AARS1: variants seen among roughly 807,000 people sequenced by gnomAD.
The protein encoded by AARS1 is alanyl-tRNA synthetase 1, also known as alanine--tRNA ligase, cytoplasmic.
AARS1 carries 72 observed loss-of-function variants against 108.9 expected under a neutral mutation model. The observed-to-expected ratio is 0.66, with a 90% CI of 0.55 to 0.80. AARS1 has a LOEUF of 0.80. Among genes scored for constraint, AARS1 ranks in the 30% least tolerant of loss-of-function variants. The pLI, the probability that AARS1 is intolerant of heterozygous loss-of-function variation, is 0.00. For synonymous variants in AARS1, 489 were observed against 465.7 expected (o/e 1.05, Z -0.64); for missense variants, 1,193 against 1,233.2 (o/e 0.97, Z 0.49).
intron 19 of AARS1, 52 bp from the exon 20 acceptor site, chr16:70,253,433 A>C: frequency 2.1e-6 from 3 of 1,442,672 alleles, no homozygotes; most frequent in Non-Finnish European, 2.9e-6. Flanking sequence ...GACCCTCACT[A>C]GTGTGAGCAT....
rs772849771 is a variant in AARS1 at position 70,253,773 on chromosome 16, C to T, written c.2548G>A (p.Asp850Asn). ...ACAAGAGGCTGGTTGGGGTTGCTGT[C>T]GATGAACTGCTTCGTCTTCTCTAAC... Reference protein sequence around the residue: ...RVLEKTKQFIDSNPNQPLVIL... With the variant: ...RVLEKTKQFINSNPNQPLVIL... The change falls in exon 19 of 21, where the codon GAC becomes AAC. Residue 850 changes from aspartate (D) to asparagine (N), a missense_variant. Coordinates refer to ENST00000261772, the MANE Select transcript of AARS1 (RefSeq NM_001605.3). 1.4e-5 allele frequency: 23 copies of T among 1,614,030 alleles called. No homozygotes were observed. The Admixed American group carries it at 2.3e-4, about 16-fold the overall frequency.
At chr16:70,277,949 C>T (rs958773236) in intron 2 of AARS1, among the ~76,000 whole-genome samples, 10 of 151,970 alleles carry the variant, frequency 6.6e-5, no homozygotes, top group Non-Finnish European at 1.3e-4. Context: ...GACAGGGTTT[C>T]GTCATGTTGG....
At chr16:70,270,007 T>C (rs776822450) in intron 6 of AARS1, among the ~76,000 whole-genome samples, 189 bp downstream of exon 6, 1 of 152,188 alleles carries the variant, frequency 6.6e-6, no homozygotes, top group Non-Finnish European at 1.5e-5. Context: ...GTCAGCTATT[T>C]AATTAGGTTC....
intron 4 of AARS1, among the ~76,000 whole-genome samples, chr16:70,275,103 T>C (rs1358446894): frequency 6.8e-6 from 1 of 147,922 alleles, no homozygotes; most frequent in African/African-American, 2.5e-5. Context: ...CTACTAAAAA[T>C]ACAAAAATTA....
chr16:70,262,406 C>T lies in AARS1; in HGVS notation c.1611G>A (p.Glu537=), dbSNP rs371617479. The stretch of plus-strand genomic sequence containing the variant: ...CTTCGTCATAGATCTGGCCTCCTTG[C>T]TCAGCATAGAAACAGGTCTTGTCCA... ...VVLDKTCFYA[E]QGGQIYDEGY... Residue 537 remains glutamate (E), a synonymous_variant, in exon 12 of 21, where the codon GAG becomes GAA. Coordinates refer to ENST00000261772, the MANE Select transcript of AARS1 (RefSeq NM_001605.3). 1.2e-6 allele frequency: 2 copies of T among 1,614,082 alleles called. No homozygotes were observed. Among genetic ancestry groups the T allele is most frequent in the Non-Finnish European group, 8.5e-7 (1 of 1,180,058 alleles).
At chr16:70,287,078 C>T (rs1225277639) in intron 1 of AARS1, among the ~76,000 whole-genome samples, 3 of 151,252 alleles carry the variant, frequency 2.0e-5, no homozygotes, top group African/African-American at 4.9e-5. Flanking sequence ...GGTGAAACCC[C>T]GTCTCTACTA....
At chr16:70,277,828 C>T (rs1364356705) in intron 2 of AARS1, among the ~76,000 whole-genome samples, 1 of 151,160 alleles carries the variant, frequency 6.6e-6, no homozygotes, top group Non-Finnish European at 1.5e-5. Context: ...TCTCAGGTCA[C>T]TGCAACCTCC....
In AARS1 at chr16:70,282,670, T is replaced by C; in HGVS notation, c.94A>G (p.Ile32Val). The change falls in exon 2 of 21, where the codon ATC (isoleucine) becomes GTC (valine). Residue 32 changes from isoleucine (I) to valine (V), a missense_variant. Transcript: ENST00000261772. ...AGCAAAGTGGGGTCATCCAATGGGA[T>C]GGTGGCAGACGAGTGAACATACGTA... ...EHTYVHSSAT[I>V]PLDDPTLLFA... 2 of 1,614,196 alleles carry C rather than the reference T, an allele frequency of 1.2e-6. No individual in the cohort carries two copies. The highest frequency in any genetic ancestry group is 1.7e-6 in the Non-Finnish European group (2 of 1,180,042).
rs534283436 is a variant in AARS1, at chr16:70,278,673, T to G, written c.145-1519A>C. 4.6e-5 allele frequency among the ~76,000 whole-genome samples: 7 copies of G among 152,240 alleles called. No individual in the cohort carries two copies. The South Asian group carries it at 1.5e-3, about 32-fold the overall frequency. ...ACGGCTGCCATGTTGAGGAGAACAT[T>G]TCTGTCACTGCAGAAAATTCTACTG... On this transcript the variant is annotated intron_variant, in intron 2 of 20. Coordinates refer to ENST00000261772, the MANE Select transcript of AARS1 (RefSeq NM_001605.3).
chr16:70,278,776 G>A (rs1464092111), intron 2 of AARS1, among the ~76,000 whole-genome samples: 1 of 151,972 alleles, frequency 6.6e-6, no homozygotes, highest in Non-Finnish European at 1.5e-5. Flanking sequence ...GCACCTAGCT[G>A]GGTGCCTAAT....
intron 2 of AARS1, among the ~76,000 whole-genome samples, chr16:70,278,336 T>A (rs1206839163): frequency 1.3e-5 from 2 of 151,706 alleles, no homozygotes; most frequent in African/African-American, 4.8e-5. Flanking sequence ...GAGGCTGAGG[T>A]GGGCGGATCA....
chr16:70,258,227 CAAG>C lies in AARS1; in HGVS notation c.1993-13_1993-11del, dbSNP rs1960041397. On this transcript the variant is annotated splice_polypyrimidine_tract_variant and intron_variant, in intron 14 of 20. Coordinates refer to ENST00000261772, the MANE Select transcript of AARS1 (RefSeq NM_001605.3). The stretch of plus-strand genomic sequence containing the variant: ...CCTGGGTATAGACGGCCTGCCAGAC[CAAG>C]AAGACAGAAAAGAGCTGGAAGAGAT... The C allele has an allele frequency of 3.2e-6, 5 of 1,580,056 alleles. No individual in the cohort carries two copies. The African/African-American group carries it at 4.1e-5, about 13-fold the overall frequency.
chr16:70,276,825 T>C, intron 3 of AARS1, 141 bp downstream of exon 3: 1 of 1,189,520 alleles, frequency 8.4e-7, no homozygotes, highest in Non-Finnish European at 1.2e-6. Context: ...CAGGAAGTCT[T>C]AGAATTAATA....
At chr16:70,257,011 A>G (rs1442382150) in intron 15 of AARS1, among the ~76,000 whole-genome samples, 1 of 152,076 alleles carries the variant, frequency 6.6e-6, no homozygotes, top group African/African-American at 2.4e-5. Flanking sequence ...GCACTTTGGG[A>G]GGCTGAGGTG....
chr16:70,282,331 G>GAA (rs57976512), intron 2 of AARS1, among the ~76,000 whole-genome samples: 1,547 of 109,914 alleles, frequency 0.014, 45 homozygotes, highest in East Asian at 0.019. Flanking sequence ...TCCGTCTCAG[G>GAA]AAAAAAAAAA....
intron 1 of AARS1, among the ~76,000 whole-genome samples, chr16:70,286,165 TATTC>T (rs771774153): frequency 3.7e-4 from 56 of 152,304 alleles, no homozygotes; most frequent in Non-Finnish European, 7.3e-4. Flanking sequence ...CCCATTTATT[TATTC>T]AATCTAAATT....
In AARS1 at chr16:70,262,335, T is replaced by C. The variant is rs1408220057; in HGVS notation, c.1671+11A>G. 2 of 1,614,144 alleles carry C rather than the reference T, an allele frequency of 1.2e-6. No homozygotes were observed. The highest frequency in any genetic ancestry group is 1.7e-6 in the Non-Finnish European group (2 of 1,180,006). On this transcript the variant is annotated intron_variant, in intron 12 of 20. Transcript: ENST00000261772. ...CCCTCCTCGGCTAACAAGGAAGAAC[T>C]GTTGGCTCACATCTTCACTGCTGTC...
At chr16:70,266,207 G>A (rs923618827) in intron 9 of AARS1, among the ~76,000 whole-genome samples, 9 of 152,184 alleles carry the variant, frequency 5.9e-5, no homozygotes, top group East Asian at 5.8e-4. Context: ...CCAGCTACTC[G>A]GGAGGCTGAG....
Position 70,262,242 on chromosome 16 carries a change from T to A in AARS1, c.1671+104A>T, listed in dbSNP as rs923413380. On this transcript the variant is annotated intron_variant, in intron 12 of 20. Coordinates refer to ENST00000261772, the MANE Select transcript of AARS1 (RefSeq NM_001605.3). ...AATACCATGGAACCCAACCCAAAGG[T>A]GTGTCAGGTCTGCTCCCAAGGCCTG... The A allele has an allele frequency of 2.8e-5, 39 of 1,375,470 alleles. No individual in the cohort carries two copies. In the African/African-American group the frequency reaches 5.3e-4, roughly 19 times the overall value. The allele number at this position is 1,375,470 out of a possible 1,614,324, so 85.2% of individuals were successfully genotyped here.
Sources: allele counts gnomAD v4.1 joint callset (sites outside exome capture counted in the v4.1 genomes callset), GRCh38; gene constraint gnomAD v4.1.1; transcripts MANE v1.5; gene names NCBI Gene and HGNC (gene_info 2026-07-23, HGNC 2026-07-21).